Variants in RANBP2 observed in about 807,000 individuals in gnomAD.
The protein encoded by RANBP2 is RAN binding protein 2.
RANBP2 carries 57 observed loss-of-function variants against 303.6 expected under a neutral mutation model. That is an observed-to-expected ratio of 0.19 (90% CI 0.15 to 0.23). The LOEUF is 0.23. Among genes scored for constraint, RANBP2 ranks in the 10% least tolerant of loss-of-function variants. The probability of loss-of-function intolerance (pLI) is 1.00; values close to 1 mark genes in which losing one functional copy is unlikely to be tolerated. For missense variants in RANBP2, 3,138 were observed against 3,780.8 expected (o/e 0.83, Z 4.46); for synonymous variants, 1,167 against 1,301.5 (o/e 0.90, Z 2.23).
chr2:108,817,701 A>T, the RANBP2 span, among the ~76,000 whole-genome samples: 1 of 152,238 alleles, frequency 6.6e-6, no homozygotes. Flanking sequence ...AACTTGAATA[A>T]GCAAGGAAAT....
At chr2:109,331,543 C>T in the RANBP2 span, among the ~76,000 whole-genome samples, 2 of 152,190 alleles carry the variant, frequency 1.3e-5, no homozygotes, top group Admixed American at 6.5e-5. Context: ...CAACCCCCAC[C>T]GCCTTCCAAT....
At chr2:108,776,234 G>A (rs1677883278) in intron 24 of RANBP2, among the ~76,000 whole-genome samples, 1 of 152,078 alleles carries the variant, frequency 6.6e-6, no homozygotes, top group African/African-American at 2.4e-5. Flanking sequence ...CTTTGTGATA[G>A]TGTTTTCATT....
chr2:109,544,392 G>T, the RANBP2 span: 12 of 1,536,824 alleles, frequency 7.8e-6, no homozygotes, highest in Non-Finnish European at 6.9e-6. Context: ...TAGCAAACAT[G>T]CATCTAGTAT....
rs1677862717 is a variant in RANBP2 at position 108,775,952 on chromosome 2, TGTTTA to T, written c.8497+17_8497+21del. The T allele has an allele frequency of 1.9e-6, 3 of 1,590,456 alleles. No homozygotes were observed. The highest frequency in any genetic ancestry group is 3.4e-5 in the Admixed American group (2 of 59,488). On this transcript the variant is annotated intron_variant, in intron 24 of 28. Coordinates refer to ENST00000283195, the MANE Select transcript of RANBP2 (RefSeq NM_006267.5). ...ACAAGCCAAGGTAAATCTTGATATATGTTTATCATGTGTTACATAAGGGACACCTT... is the reference window on the plus strand; with the variant it reads ...ACAAGCCAAGGTAAATCTTGATATATTCATGTGTTACATAAGGGACACCTT...
the RANBP2 span, among the ~76,000 whole-genome samples, chr2:109,135,741 C>T: frequency 1.3e-5 from 2 of 152,136 alleles, no homozygotes; most frequent in Admixed American, 6.5e-5. Context: ...GTTGTGGAAA[C>T]TGGATCGTCA....
At chr2:109,221,328 A>AGTCGTT in the RANBP2 span, among the ~76,000 whole-genome samples, 2 of 152,134 alleles carry the variant, frequency 1.3e-5, no homozygotes, top group African/African-American at 2.4e-5. Context: ...CACGGCTGTA[A>AGTCGTT]TCCCAGCATT....
chr2:109,629,203 A>AAAATAAATAAATAAATAAAT, the RANBP2 span, among the ~76,000 whole-genome samples: 166 of 118,394 alleles, frequency 1.4e-3, 2 homozygotes, highest in African/African-American at 4.2e-3. Flanking sequence ...CTCCGTCTCA[A>AAAATAAATAAATAAATAAAT]AAATAAATAA....
chr2:108,834,074 C>T, the RANBP2 span, among the ~76,000 whole-genome samples: 3 of 150,654 alleles, frequency 2.0e-5, no homozygotes, highest in Non-Finnish European at 4.4e-5. Flanking sequence ...TGCAGTAGAT[C>T]GAATAATAAG....
At chr2:109,075,579 C>A in the RANBP2 span, among the ~76,000 whole-genome samples, 1,441 of 109,092 alleles carry the variant, frequency 0.013, no homozygotes, top group East Asian at 0.016. Flanking sequence ...CTTAGACAAA[C>A]AAAAAAAAAA....
At chr2:109,598,513 CGA>C in the RANBP2 span, among the ~76,000 whole-genome samples, 5 of 151,964 alleles carry the variant, frequency 3.3e-5, no homozygotes, top group African/African-American at 9.7e-5. Context: ...TGAGCGAGAG[CGA>C]GAGAGAACAA....
the RANBP2 span, among the ~76,000 whole-genome samples, chr2:109,633,680 A>C: frequency 3.3e-4 from 51 of 152,244 alleles, 2 homozygotes; most frequent in South Asian, 9.7e-3. Flanking sequence ...CTCCTCTCCC[A>C]AAATAAAGCC....
At chr2:109,507,910 A>G in the RANBP2 span, among the ~76,000 whole-genome samples, 1 of 152,184 alleles carries the variant, frequency 6.6e-6, no homozygotes, top group Non-Finnish European at 1.5e-5. Flanking sequence ...AATGTGTACA[A>G]TCGTCCCACG....
the RANBP2 span, among the ~76,000 whole-genome samples, chr2:108,911,491 G>A: frequency 6.6e-6 from 1 of 152,194 alleles, no homozygotes; most frequent in African/African-American, 2.4e-5. Context: ...CTGGATTCCA[G>A]GTTTGGCTCC....
the RANBP2 span, among the ~76,000 whole-genome samples, chr2:108,928,969 G>A: frequency 6.6e-6 from 1 of 152,298 alleles, no homozygotes; most frequent in Non-Finnish European, 1.5e-5. Context: ...GATGGTTAAT[G>A]GCCACTTAGG....
At chr2:109,641,001 A>G in the RANBP2 span, among the ~76,000 whole-genome samples, 4 of 152,138 alleles carry the variant, frequency 2.6e-5, no homozygotes, top group African/African-American at 9.7e-5. Context: ...TGGGGACAAG[A>G]TAGATATTTG....
the RANBP2 span, among the ~76,000 whole-genome samples, chr2:109,379,816 C>A: frequency 6.6e-6 from 1 of 151,994 alleles, no homozygotes; most frequent in African/African-American, 2.4e-5. Flanking sequence ...GGCAGGAAAG[C>A]CAGAAGCGAG....
At chr2:109,125,432 C>T in the RANBP2 span, among the ~76,000 whole-genome samples, 1 of 152,242 alleles carries the variant, frequency 6.6e-6, no homozygotes, top group East Asian at 1.9e-4. Context: ...GCTTTTTCTC[C>T]TTTGGACAGA....
chr2:109,036,271 G>GTATT, the RANBP2 span, among the ~76,000 whole-genome samples: 1 of 152,134 alleles, frequency 6.6e-6, no homozygotes, highest in South Asian at 2.1e-4. Flanking sequence ...ACTTTAAGGA[G>GTATT]TATTAATACC....
chr2:108,811,245 C>CTTTTTTTTTTTTTT, the RANBP2 span, among the ~76,000 whole-genome samples: 6 of 109,628 alleles, frequency 5.5e-5, no homozygotes, highest in African/African-American at 2.1e-4. Flanking sequence ...CTTTCTCTCT[C>CTTTTTTTTTTTTTT]TCTTTTTTTT....
Sources: allele counts gnomAD v4.1 joint callset (sites outside exome capture counted in the v4.1 genomes callset), GRCh38; gene constraint gnomAD v4.1.1; transcripts MANE v1.5; gene names NCBI Gene and HGNC (gene_info 2026-07-23, HGNC 2026-07-21).